Variants in ANO7 observed in about 807,000 individuals in gnomAD.
The protein encoded by ANO7 is anoctamin 7, also known as anoctamin-7.
Under a neutral mutation model 115.8 loss-of-function variants are expected in ANO7, and 114 were observed. That is an observed-to-expected ratio of 0.98 (90% CI 0.85 to 1.15). ANO7 has a LOEUF of 1.15. Among genes scored for constraint, ANO7 ranks in the 50% most tolerant of loss-of-function variants. The pLI is 0.00. For missense variants in ANO7, 1,302 were observed against 1,201.2 expected (o/e 1.08, Z -1.24); for synonymous variants, 550 against 498.2 (o/e 1.10, Z -1.38).
chr2:241,237,278 C>T, the ANO7 span, among the ~76,000 whole-genome samples: 9 of 152,138 alleles, frequency 5.9e-5, no homozygotes, highest in Non-Finnish European at 1.0e-4. Context: ...TAAACCTGTG[C>T]CAGCTCCTTA....
Position 241,224,084 on chromosome 2 carries a change from A to G in ANO7, c.2584-13A>G, listed in dbSNP as rs1317105070. The G allele has an allele frequency of 6.2e-7, 1 of 1,612,596 alleles. No homozygotes were observed. The highest frequency in any genetic ancestry group is 1.1e-5 in the South Asian group (1 of 91,006). ...CTAGTCTGACTTGTCCCTGCCCCCAACCCTCTCCCCAGCTCAGCTCCCACT... is the reference window on the plus strand; with the variant it reads ...CTAGTCTGACTTGTCCCTGCCCCCAGCCCTCTCCCCAGCTCAGCTCCCACT... On this transcript the variant is annotated splice_polypyrimidine_tract_variant and intron_variant, in intron 24 of 24. Transcript: ENST00000674324.
chr2:241,207,426 TA>T, intron 10 of ANO7, 147 bp from the exon 11 acceptor site: 2 of 618,534 alleles, frequency 3.2e-6, no homozygotes, highest in South Asian at 4.1e-5. Context: ...TTAAAACAAC[TA>T]TTTTTTTTAA....
chr2:241,209,301 A>T lies in ANO7; in HGVS notation c.1094A>T (p.Asp365Val). Residue 365 changes from aspartate (D) to valine (V), a missense_variant, in exon 12 of 25, where the codon GAC becomes GTC. Transcript: ENST00000674324. ...CTGCCACAGGCCGGCCGGCTGTTCG[A>T]CCACGGCGGCACCGTGTTCTTCAGC... is the stretch of plus-strand genomic sequence containing the variant. The part of the protein sequence containing the change: ...CALAQAGRLF[D>V]HGGTVFFSLF... 1 of 1,557,994 alleles carries T rather than the reference A, an allele frequency of 6.4e-7. No homozygotes were observed. The highest frequency in any genetic ancestry group is 8.7e-7 in the Non-Finnish European group (1 of 1,151,690).
the ANO7 span, chr2:241,233,978 A>G: frequency 3.1e-6 from 5 of 1,614,042 alleles, no homozygotes; most frequent in Admixed American, 8.3e-5. This position sits in a 1 kb window ranked among gnomAD's most constrained non-coding sequence, Gnocchi z 4.3. Context: ...AAATGAAAGG[A>G]GCAAGAATGA....
intron 6 of ANO7, among the ~76,000 whole-genome samples, chr2:241,200,822 G>GC (rs2068453309): frequency 6.6e-6 from 1 of 152,246 alleles, no homozygotes; most frequent in Non-Finnish European, 1.5e-5. Context: ...ACTCCGTGTT[G>GC]CCCCACCTAT....
At position 241,223,966 on chromosome 2, in the gene ANO7, G is replaced by A. The variant is rs2069092188; in HGVS notation, c.2583+11G>A. 1 of 1,614,016 alleles carries A rather than the reference G, an allele frequency of 6.2e-7. No homozygotes were observed. Among genetic ancestry groups the A allele is most frequent in the Non-Finnish European group, 8.5e-7 (1 of 1,179,942 alleles). ...CCCGAGGGCTCAGAGGCAAGTCTGG[G>A]AGCAGCCAGGCCCCTGCCCCGTGCA... On this transcript the variant is annotated intron_variant, in intron 24 of 24. Transcript: ENST00000674324.
At chr2:241,232,770 C>T in the ANO7 span, among the ~76,000 whole-genome samples, 5 of 151,954 alleles carry the variant, frequency 3.3e-5, no homozygotes, top group Admixed American at 6.6e-5. Flanking sequence ...GCCGAGATCG[C>T]GCCACTGCAC....
At chr2:241,232,934 GGT>G in the ANO7 span, among the ~76,000 whole-genome samples, 4 of 151,974 alleles carry the variant, frequency 2.6e-5, no homozygotes, top group South Asian at 4.2e-4. Flanking sequence ...TGGCCTGGCT[GGT>G]GTGTGTGTGA....
chr2:241,208,047 G>A (rs967561), intron 11 of ANO7, among the ~76,000 whole-genome samples: 117,482 of 152,050 alleles, frequency 0.77, 45,587 homozygotes, highest in East Asian at 0.91. Flanking sequence ...AGACCTGGGC[G>A]GGAGGCTCCT....
rs1016546364 is a variant in ANO7 at position 241,224,386 on chromosome 2, C to T, written c.*233C>T. ...CAGCTCACAAGGCCCTCTTTGTTTC[C>T]TGCTCCCAGACATAAGCCCAAGGGG... On this transcript the variant is annotated 3_prime_UTR_variant, in exon 25 of 25. Coordinates refer to ENST00000674324, the MANE Select transcript of ANO7 (RefSeq NM_001370694.2). The T allele has an allele frequency of 1.2e-5, 7 of 571,836 alleles. No individual in the cohort carries two copies. Among genetic ancestry groups the T allele is most frequent in the Admixed American group, 3.1e-5 (1 of 32,000 alleles). 35.4% of individuals were successfully genotyped at this position (571,836 alleles called of 1,614,324 possible).
At chr2:241,200,564 C>G (rs1344381249) in intron 6 of ANO7, among the ~76,000 whole-genome samples, 6 of 152,208 alleles carry the variant, frequency 3.9e-5, no homozygotes, top group Non-Finnish European at 1.5e-5. Flanking sequence ...TCTGTCTCGT[C>G]ACAGCGTCCC....
rs750676004 is a variant in ANO7, at chr2:241,207,639, G to A, written c.1046G>A (p.Trp349Ter). The change falls in exon 11 of 25, where the codon TGG (tryptophan) becomes TAG (stop). Residue 349 changes from tryptophan (W) to a stop codon, truncating the protein, a stop_gained. Transcript: ENST00000674324. LOFTEE classifies it high-confidence loss of function. ...MCPLCLDCPF[W>*]LLSSACALAQ... is the part of the protein sequence containing the mutation. The stretch of plus-strand genomic sequence containing the variant: ...CCACTTTGCCTCGACTGCCCTTTCT[G>A]GCTGCTCTCCAGCGCCTGTGCCCTG... The A allele has an allele frequency of 1.2e-6, 2 of 1,613,886 alleles. No homozygotes were observed. Among genetic ancestry groups the A allele is most frequent in the Non-Finnish European group, 1.7e-6 (2 of 1,179,986 alleles).
At chr2:241,228,374 T>C (rs1452983940), downstream of ANO7, 3 of 152,364 alleles carry the variant, frequency 2.0e-5, no homozygotes, top group African/African-American at 7.2e-5. Flanking sequence ...CATTCTGCTC[T>C]ACCTCATGCT....
At chr2:241,212,366 T>C (rs1004033232) in intron 16 of ANO7, among the ~76,000 whole-genome samples, 161 bp downstream of exon 16, 1 of 152,172 alleles carries the variant, frequency 6.6e-6, no homozygotes, top group African/African-American at 2.4e-5. Context: ...TCCTGGCACC[T>C]CTGAGCAAAC....
At chr2:241,191,965 G>C (rs2149101391) in intron 3 of ANO7, among the ~76,000 whole-genome samples, 1 of 152,340 alleles carries the variant, frequency 6.6e-6, no homozygotes, top group East Asian at 1.9e-4. Flanking sequence ...GGGGCCCCGG[G>C]GAGATATCTG....
In ANO7 at chr2:241,203,911, C is replaced by G. The variant is rs938214238; in HGVS notation, c.889+413C>G. 6.6e-6 allele frequency among the ~76,000 whole-genome samples: 1 copy of G among 152,268 alleles called. No individual in the cohort carries two copies. The highest frequency in any genetic ancestry group is 2.4e-5 in the African/African-American group (1 of 41,570). The stretch of plus-strand genomic sequence containing the variant: ...TGCCCCAGGCAACCCCAGAGCTGTT[C>G]CTCCTGGGTCCTGGCTGCCCTCACC... On this transcript the variant is annotated intron_variant, in intron 9 of 24. Coordinates refer to ENST00000674324, the MANE Select transcript of ANO7 (RefSeq NM_001370694.2). The surrounding 1 kb of genome is among the most constrained non-coding windows in gnomAD (Gnocchi z 4.8).
intron 21 of ANO7, among the ~76,000 whole-genome samples, chr2:241,218,596 C>G (rs1190141731): frequency 6.6e-6 from 1 of 152,138 alleles, no homozygotes; most frequent in African/African-American, 2.4e-5. Flanking sequence ...GAGGGCAAAT[C>G]GTGGATTCTA....
At chr2:241,230,863 G>T (rs1287534661), downstream of ANO7, 5 of 1,614,080 alleles carry the variant, frequency 3.1e-6, no homozygotes, top group Non-Finnish European at 4.2e-6. This position sits in a 1 kb window ranked among gnomAD's most constrained non-coding sequence, Gnocchi z 5.0. Context: ...ATCTGCTCAA[G>T]TTCACCCACA....
chr2:241,189,837 C>T (rs981819417), intron 1 of ANO7, among the ~76,000 whole-genome samples: 5 of 152,180 alleles, frequency 3.3e-5, no homozygotes, highest in Admixed American at 2.0e-4. Context: ...GCCTGCCAGA[C>T]GCTCCCGCCC....
Sources: gnomAD v4.1 joint callset for allele counts (sites outside exome capture counted in the v4.1 genomes callset) on GRCh38, gnomAD v4.1.1 for gene constraint, Gnocchi (gnomAD v3.1) non-coding constraint, MANE v1.5 for transcripts, NCBI Gene and HGNC (gene_info 2026-07-23, HGNC 2026-07-21) for gene names.